The following GTPBP4 variants were observed in gnomAD, a reference collection of about 807,000 sequenced individuals.
GTPBP4 encodes GTP-binding protein 4.
A neutral mutation model predicts 81.7 loss-of-function variants in GTPBP4; 15 were observed. That is an observed-to-expected ratio of 0.18 (90% CI 0.12 to 0.28). The LOEUF is 0.28. Among genes scored for constraint, GTPBP4 ranks in the 10% least tolerant of loss-of-function variants. The probability of loss-of-function intolerance (pLI) is 1.00; values close to 1 mark genes in which losing one functional copy is unlikely to be tolerated. For missense variants in GTPBP4, 847 were observed against 793.8 expected (o/e 1.07, Z -0.81); for synonymous variants, 272 against 274.6 (o/e 0.99, Z 0.09).
Position 992,498 on chromosome 10 carries a change from G to T in GTPBP4, c.58G>T (p.Asp20Tyr). 1 of 1,592,314 alleles carries T rather than the reference G, an allele frequency of 6.3e-7. No homozygotes were observed. The highest frequency in any genetic ancestry group is 1.1e-5 in the South Asian group (1 of 90,262). Residue 20 changes from aspartate to tyrosine, a missense_variant, in exon 2 of 17, where the codon GAC (aspartate) becomes TAC (tyrosine). By Grantham distance (160) the Asp-to-Tyr change is radical. Around this residue, in one of 3 missense-constraint regions of GTPBP4, gnomAD observed 241 missense variants for 216.3 expected, o/e 1.11. Coordinates refer to ENST00000360803, the MANE Select transcript of GTPBP4 (RefSeq NM_012341.3). ...TVVPSAKDFI[D>Y]LTLSKTQRKT... Reference sequence around the variant, plus strand: ...TTTTCTTTAATTGCAGGACTTCATAGACCTCACGTTGTCGAAGACTCAACG... The same window carrying T: ...TTTTCTTTAATTGCAGGACTTCATATACCTCACGTTGTCGAAGACTCAACG...
At chr10:1,012,914 T>G (rs185930726) in intron 14 of GTPBP4, among the ~76,000 whole-genome samples, 21 of 152,352 alleles carry the variant, frequency 1.4e-4, no homozygotes, top group Admixed American at 1.0e-3. Context: ...TTGTACAGAT[T>G]AAAACTGTAA....
chr10:992,255 C>T (rs1431386852), intron 1 of GTPBP4, among the ~76,000 whole-genome samples: 1 of 151,560 alleles, frequency 6.6e-6, no homozygotes, highest in East Asian at 2.0e-4. Context: ...AAAAAATTAG[C>T]CGGGTGTGGT....
In GTPBP4 at chr10:997,270, G is replaced by A; in HGVS notation, c.523G>A (p.Gly175Arg). 1 of 1,608,694 alleles carries A rather than the reference G, an allele frequency of 6.2e-7. No individual in the cohort carries two copies. The highest frequency in any genetic ancestry group is 8.5e-7 in the Non-Finnish European group (1 of 1,174,990). The change falls in exon 5 of 17, where the codon GGG becomes AGG. Residue 175 changes from glycine (G) to arginine (R), a missense_variant. Around this residue, in one of 3 missense-constraint regions of GTPBP4, gnomAD observed 6 missense variants for 20.4 expected, o/e 0.29. Coordinates refer to ENST00000360803, the MANE Select transcript of GTPBP4 (RefSeq NM_012341.3). The stretch of plus-strand genomic sequence containing the variant: ...GAATACCAGGACCCTGCTTTTGTGT[G>A]GGTACCCAAATGTTGGGAAGTCCAG... ...DPNTRTLLLC[G>R]YPNVGKSSFI...
In GTPBP4 at chr10:1,017,240, T is replaced by G. The variant is rs752580538; in HGVS notation, c.*13T>G. 5.6e-6 allele frequency: 9 copies of G among 1,612,158 alleles called. No individual in the cohort carries two copies. The Admixed American group carries it at 1.3e-4, about 24-fold the overall frequency. On this transcript the variant is annotated 3_prime_UTR_variant, in exon 17 of 17. Transcript: ENST00000360803. ...GGACAGGAGATAGTATCCGTTTGGTTGGCGTGGCTTCGCTAGAGTGTTGCT... is the reference window on the plus strand; with the variant it reads ...GGACAGGAGATAGTATCCGTTTGGTGGGCGTGGCTTCGCTAGAGTGTTGCT...
At chr10:1,003,931 A>G (rs187132307) in intron 8 of GTPBP4, among the ~76,000 whole-genome samples, 1 of 152,002 alleles carries the variant, frequency 6.6e-6, no homozygotes, top group East Asian at 1.9e-4. Flanking sequence ...TTGTGTGCCT[A>G]TCATGGCCTG....
At chr10:1,005,574 C>T (rs1831714116) in intron 8 of GTPBP4, among the ~76,000 whole-genome samples, 1 of 152,186 alleles carries the variant, frequency 6.6e-6, no homozygotes, top group Non-Finnish European at 1.5e-5. Flanking sequence ...ATTCTGATTG[C>T]CTTTGTTGTG....
Position 997,220 on chromosome 10 carries a change from T to C in GTPBP4, c.473T>C (p.Leu158Ser), listed in dbSNP as rs1831551079. The C allele has an allele frequency of 1.3e-6, 2 of 1,589,726 alleles. No individual in the cohort carries two copies. Among genetic ancestry groups the C allele is most frequent in the Admixed American group, 1.7e-5 (1 of 59,894 alleles). Reference sequence around the variant, plus strand: ...GAACTTTTCCTAGTGCGTCAGCATTTATCCCGTTTGCCAACCATTGATCCG... The same window carrying C: ...GAACTTTTCCTAGTGCGTCAGCATTCATCCCGTTTGCCAACCATTGATCCG... ...LEYLEQVRQH[L>S]SRLPTIDPNT... Residue 158 changes from leucine (L) to serine (S), a missense_variant, in exon 5 of 17, where the codon TTA (leucine) becomes TCA (serine). Leu to Ser is a moderately radical substitution (Grantham distance 145, BLOSUM62 -2). This residue lies in a region of GTPBP4 where 241 missense variants were observed against 216.3 expected (regional missense o/e 1.11). Transcript: ENST00000360803.
chr10:1,000,957 G>A lies in GTPBP4; in HGVS notation c.856G>A (p.Val286Ile). 6.2e-7 allele frequency: 1 copy of A among 1,612,150 alleles called. No homozygotes were observed. The highest frequency in any genetic ancestry group is 8.5e-7 in the Non-Finnish European group (1 of 1,178,206). Residue 286 changes from valine to isoleucine, a missense_variant, in exon 8 of 17, where the codon GTT becomes ATT. Transcript: ENST00000360803. ...RPLFINKPLI[V>I]VANKCDVKRI... ...TTTCTTCCTTGCCTAGCCTCTCATA[G>A]TTGTAGCCAACAAATGTGATGTGAA...
chr10:1,017,290 A>G lies in GTPBP4; in HGVS notation c.*63A>G, dbSNP rs1832010756. The G allele has an allele frequency of 7.0e-6, 10 of 1,434,316 alleles. 1 individual carries two copies. The South Asian group carries it at 8.7e-5, about 12-fold the overall frequency. 88.8% of individuals were successfully genotyped at this position (1,434,316 alleles called of 1,614,324 possible). A position where few individuals can be genotyped will look rare whatever the true frequency, so the allele number is the denominator to read the frequency against. ...TGTTTATTTCCTGGTTTGGCACAGT[A>G]TGGTTTCATGAAATTGGAGCTCTGT... On this transcript the variant is annotated 3_prime_UTR_variant, in exon 17 of 17. Transcript: ENST00000360803.
intron 16 of GTPBP4, among the ~76,000 whole-genome samples, chr10:1,016,218 C>T (rs1024795276): frequency 5.9e-5 from 9 of 151,766 alleles, no homozygotes; most frequent in Non-Finnish European, 1.3e-4. Context: ...AGCTGAGCAC[C>T]AGGAGGCCTC....
At chr10:1,001,938 T>TG (rs892903876) in intron 8 of GTPBP4, among the ~76,000 whole-genome samples, 1 of 151,664 alleles carries the variant, frequency 6.6e-6, no homozygotes, top group Admixed American at 6.6e-5. Context: ...TTTGTTTTTT[T>TG]TTTGAGATGG....
chr10:1,013,045 G>A (rs750097713), intron 14 of GTPBP4, among the ~76,000 whole-genome samples: 4 of 151,838 alleles, frequency 2.6e-5, no homozygotes, highest in Non-Finnish European at 5.9e-5. Flanking sequence ...GTGCAATGGC[G>A]CCATCTTGGC....
In GTPBP4 at chr10:1,012,608, G is replaced by A. The variant is rs771427882; in HGVS notation, c.1488G>A (p.Leu496=). 8.7e-6 allele frequency: 14 copies of A among 1,613,868 alleles called. No individual in the cohort carries two copies. The highest frequency in any genetic ancestry group is 9.3e-6 in the Non-Finnish European group (11 of 1,179,944). Residue 496 remains leucine (L), a synonymous_variant, in exon 14 of 17, where the codon CTG becomes CTA. Coordinates refer to ENST00000360803, the MANE Select transcript of GTPBP4 (RefSeq NM_012341.3). ...GAGAGAAAAAGAAGTTGAAAATTCT[G>A]GAGTCCAAAGAAAAGAATACACAGG... ...QIREKKKLKI[L]ESKEKNTQGP...
chr10:1,000,778 G>C lies in GTPBP4; in HGVS notation c.756G>C (p.Leu252=), dbSNP rs1831615354. 6.2e-7 allele frequency: 1 copy of C among 1,610,922 alleles called. No homozygotes were observed. Among genetic ancestry groups the C allele is most frequent in the Non-Finnish European group, 8.5e-7 (1 of 1,178,388 alleles). ...TGGCCCACCTCCGTGCTGCGGTCCT[G>C]TATGTGATGGATTTGTCTGAGCAGT... ...TALAHLRAAV[L]YVMDLSEQCG... The change falls in exon 7 of 17, where the codon CTG becomes CTC. Residue 252 remains leucine, a synonymous_variant. Transcript: ENST00000360803.
At chr10:1,014,132 A>G (rs923344863) in intron 14 of GTPBP4, 115 bp from the exon 15 acceptor site, 3 of 614,606 alleles carry the variant, frequency 4.9e-6, no homozygotes, top group African/African-American at 1.9e-5. Flanking sequence ...TACAACTTCT[A>G]AAATAAGTAT....
At chr10:1,013,482 C>A (rs182444786) in intron 14 of GTPBP4, among the ~76,000 whole-genome samples, 2 of 109,668 alleles carry the variant, frequency 1.8e-5, no homozygotes, top group African/African-American at 5.6e-5. Flanking sequence ...TGGTGGCGGG[C>A]GCCTGTAGTC....
Position 996,044 on chromosome 10 carries a change from T to A in GTPBP4, c.323+12T>A. 1.3e-6 allele frequency: 2 copies of A among 1,592,092 alleles called. No individual in the cohort carries two copies. Among genetic ancestry groups the A allele is most frequent in the Non-Finnish European group, 1.7e-6 (2 of 1,160,766 alleles). ...AATTTAGTGGACAAGTAAGGTACTT[T>A]TTTCTGTAGTGTCTTTTAAGTTATC... On this transcript the variant is annotated intron_variant, in intron 3 of 16. Transcript: ENST00000360803.
intron 14 of GTPBP4, among the ~76,000 whole-genome samples, chr10:1,013,745 A>G (rs1831923272): frequency 6.6e-6 from 1 of 152,258 alleles, no homozygotes. Context: ...AGGGCAGTTA[A>G]CATGTAACCA....
At chr10:995,055 C>A (rs1831513908) in intron 2 of GTPBP4, among the ~76,000 whole-genome samples, 1 of 152,130 alleles carries the variant, frequency 6.6e-6, no homozygotes, top group Non-Finnish European at 1.5e-5. Context: ...GGGAGGTGAA[C>A]ACTGGGACAT....
Sources: allele counts gnomAD v4.1 joint callset (sites outside exome capture counted in the v4.1 genomes callset), GRCh38; gene constraint gnomAD v4.1.1; regional missense constraint gnomAD v4.1.1; transcripts MANE v1.5; gene names NCBI Gene and HGNC (gene_info 2026-07-23, HGNC 2026-07-21).